LARS1: variants seen among roughly 807,000 people sequenced by gnomAD.
LARS1 encodes leucine--tRNA ligase, cytoplasmic.
LARS1 carries 100 observed loss-of-function variants against 162.8 expected under a neutral mutation model. That is an observed-to-expected ratio of 0.61 (90% CI 0.52 to 0.73). The LOEUF is 0.73. Among genes scored for constraint, LARS1 ranks in the 30% least tolerant of loss-of-function variants. LARS1 has a pLI of 0.00. For synonymous variants in LARS1, 457 were observed against 462.8 expected (o/e 0.99, Z 0.16); for missense variants, 1,258 against 1,408.9 (o/e 0.89, Z 1.71).
chr5:146,150,422 T>A (rs890450852), intron 14 of LARS1, among the ~76,000 whole-genome samples: 12 of 152,178 alleles, frequency 7.9e-5, no homozygotes, highest in Non-Finnish European at 1.5e-4. Context: ...ATCTATTTAA[T>A]CCAGCATTAT....
chr5:146,124,726 G>A (rs1751972594), intron 28 of LARS1, among the ~76,000 whole-genome samples: 1 of 151,870 alleles, frequency 6.6e-6, no homozygotes, highest in South Asian at 2.1e-4. Flanking sequence ...CCTAGAACAT[G>A]TTATACTTAA....
At chr5:146,155,677 T>C (rs60047897) in intron 10 of LARS1, among the ~76,000 whole-genome samples, 2 of 152,346 alleles carry the variant, frequency 1.3e-5, no homozygotes, top group East Asian at 3.9e-4. Context: ...TGCAGTCATA[T>C]GGATGACAGC....
chr5:146,144,621 A>G lies in LARS1; in HGVS notation c.1589+3T>C, dbSNP rs1234425623. 6.2e-7 allele frequency: 1 copy of G among 1,614,044 alleles called. No individual in the cohort carries two copies. ...GGGAATTTTCTTGCTATAAGAGACT[A>G]ACCACTGGTCACACAGAGCCACAAC... is the stretch of plus-strand genomic sequence containing the variant. On this transcript the variant is annotated splice_donor_region_variant and intron_variant, in intron 16 of 31. Coordinates refer to ENST00000394434, the MANE Select transcript of LARS1 (RefSeq NM_020117.11).
intron 13 of LARS1, 121 bp from the exon 14 acceptor site, chr5:146,152,123 C>G (rs896139248): frequency 1.0e-6 from 1 of 995,930 alleles, no homozygotes; most frequent in Non-Finnish European, 1.5e-6. Context: ...GTCATTACGA[C>G]ACTGCCACAC....
intron 31 of LARS1, among the ~76,000 whole-genome samples, chr5:146,119,998 C>A (rs191537569): frequency 6.6e-6 from 1 of 152,298 alleles, no homozygotes; most frequent in African/African-American, 2.4e-5. Flanking sequence ...TCTCAAGGAA[C>A]AGACCTGCTG....
intron 2 of LARS1, among the ~76,000 whole-genome samples, chr5:146,174,241 G>A (rs1432667649): frequency 6.7e-6 from 1 of 149,428 alleles, no homozygotes; most frequent in Non-Finnish European, 1.5e-5. Context: ...CCTGAGGTTG[G>A]GATTTCAAGA....
chr5:146,179,596 T>C, intron 1 of LARS1: 1 of 342,498 alleles, frequency 2.9e-6, no homozygotes, highest in South Asian at 2.2e-5. Flanking sequence ...ACTGTATTTA[T>C]GTGTGTGTGT....
chr5:146,133,135 A>G (rs1752360245), intron 22 of LARS1, 54 bp from the exon 23 acceptor site: 2 of 1,507,004 alleles, frequency 1.3e-6, no homozygotes, highest in Admixed American at 1.8e-5. Context: ...CTGAGTATCA[A>G]CTGTGTCCTA....
intron 21 of LARS1, among the ~76,000 whole-genome samples, chr5:146,139,350 AAAAAAAAAAAG>A (rs1752657902): frequency 8.5e-6 from 1 of 117,456 alleles, no homozygotes. Context: ...CACAACAAAA[AAAAAAAAAAAG>A]AAAAAGAAAA....
chr5:146,120,629 G>T, intron 30 of LARS1, 126 bp from the exon 31 acceptor site: 1 of 919,736 alleles, frequency 1.1e-6, no homozygotes, highest in Non-Finnish European at 1.6e-6. Context: ...CATGACTAAG[G>T]AGTACTCAAA....
At chr5:146,153,845 C>G in intron 11 of LARS1, 35 bp from the exon 12 acceptor site, 1 of 1,610,100 alleles carries the variant, frequency 6.2e-7, no homozygotes, top group Non-Finnish European at 8.5e-7. Flanking sequence ...ATAACTAGAA[C>G]CAAAATGTGT....
At chr5:146,154,079 C>A (rs1239539750) in intron 10 of LARS1, 99 bp from the exon 11 acceptor site, 3 of 761,204 alleles carry the variant, frequency 3.9e-6, no homozygotes, top group Admixed American at 2.9e-5. Context: ...AGCTAGTAAT[C>A]AAAAATATAT....
At chr5:146,128,956 A>G in intron 26 of LARS1, 22 bp downstream of exon 26, 1 of 1,567,866 alleles carries the variant, frequency 6.4e-7, no homozygotes, top group Non-Finnish European at 8.6e-7. Context: ...ATCCTTTAAA[A>G]AAAAAAACAA....
intron 14 of LARS1, among the ~76,000 whole-genome samples, chr5:146,150,275 A>G (rs1232202207): frequency 6.6e-6 from 1 of 152,234 alleles, no homozygotes; most frequent in Non-Finnish European, 1.5e-5. Context: ...GTAATAAAGC[A>G]GATATTTTCA....
chr5:146,141,565 A>G (rs1561810489), intron 20 of LARS1, among the ~76,000 whole-genome samples: 1 of 152,070 alleles, frequency 6.6e-6, no homozygotes, highest in Non-Finnish European at 1.5e-5. Context: ...GTACTTTGGG[A>G]GGCCAAGACA....
intron 15 of LARS1, among the ~76,000 whole-genome samples, chr5:146,148,304 AC>A (rs1300639523): frequency 6.6e-6 from 1 of 152,242 alleles, no homozygotes; most frequent in Non-Finnish European, 1.5e-5. Flanking sequence ...ACAGTAAGCA[AC>A]CAGTTCAGAC....
intron 13 of LARS1, among the ~76,000 whole-genome samples, 171 bp downstream of exon 13, chr5:146,153,003 C>A (rs965576220): frequency 6.6e-6 from 1 of 152,150 alleles, no homozygotes; most frequent in Admixed American, 6.5e-5. Context: ...GTTAGTTTTC[C>A]TTTTGCTCTT....
chr5:146,177,327 ATGG>A (rs1034369339), intron 2 of LARS1, among the ~76,000 whole-genome samples: 7 of 151,570 alleles, frequency 4.6e-5, no homozygotes, highest in African/African-American at 1.5e-4. Context: ...TTAGCTGGGC[ATGG>A]TGGTGGGTGC....
chr5:146,164,502 C>A, intron 5 of LARS1, 31 bp from the exon 6 acceptor site: 1 of 1,605,080 alleles, frequency 6.2e-7, no homozygotes, highest in Non-Finnish European at 8.5e-7. Flanking sequence ...TAAACTCGAT[C>A]AAAGAATAAC....
Sources: allele counts gnomAD v4.1 joint callset (sites outside exome capture counted in the v4.1 genomes callset), GRCh38; gene constraint gnomAD v4.1.1; transcripts MANE v1.5; gene names NCBI Gene and HGNC (gene_info 2026-07-23, HGNC 2026-07-21).